Variants in AGMO observed in about 807,000 individuals in gnomAD.
The protein encoded by AGMO is alkylglycerol monooxygenase.
Under a neutral mutation model 60.2 loss-of-function variants are expected in AGMO, and 75 were observed. That is an observed-to-expected ratio of 1.25 (90% CI 1.03 to 1.51). The LOEUF (loss-of-function observed/expected upper bound fraction) is 1.51. AGMO is among the 40% of genes most tolerant of loss of function. The pLI is 0.00. For missense variants in AGMO, 763 were observed against 525.5 expected (o/e 1.45, Z -4.42); for synonymous variants, 261 against 177.1 (o/e 1.47, Z -3.76).
rs543393219 is a variant in AGMO, at chr7:15,301,678, G to T, written c.1263+63836C>A. On this transcript the variant is annotated intron_variant, in intron 12 of 12. Transcript: ENST00000342526. Reference sequence around the variant, plus strand: ...TCCACGATACTTTTAGAGGATAATAGAAATGTTTTAATTTTCATTTCTTTT... The same window carrying T: ...TCCACGATACTTTTAGAGGATAATATAAATGTTTTAATTTTCATTTCTTTT... Among the ~76,000 whole-genome samples the T allele has an allele frequency of 9.1e-4, 139 of 152,158 alleles. 1 individual carries two copies. The highest frequency in any genetic ancestry group is 3.3e-3 in the African/African-American group (135 of 41,516).
At chr7:15,322,069 T>C (rs1425903982) in intron 12 of AGMO, among the ~76,000 whole-genome samples, 1 of 151,530 alleles carries the variant, frequency 6.6e-6, no homozygotes, top group Non-Finnish European at 1.5e-5. Context: ...TACTCAGGAG[T>C]CTGAGGTAGC....
At chr7:15,335,902 G>A (rs1238293775) in intron 12 of AGMO, among the ~76,000 whole-genome samples, 3 of 151,876 alleles carry the variant, frequency 2.0e-5, no homozygotes, top group African/African-American at 7.3e-5. Flanking sequence ...CCAAATGTAG[G>A]GATTTACCAT....
chr7:15,478,797 CA>C (rs1319935312), intron 3 of AGMO, among the ~76,000 whole-genome samples: 2 of 152,094 alleles, frequency 1.3e-5, no homozygotes, highest in African/African-American at 4.8e-5. Context: ...TTTGATTTAT[CA>C]AGACTTCTCT....
the AGMO span, among the ~76,000 whole-genome samples, chr7:15,176,820 T>A: frequency 1.3e-5 from 2 of 151,936 alleles, no homozygotes; most frequent in African/African-American, 4.8e-5. Context: ...GAGAGAGAAG[T>A]TTTGGTGTTA....
intron 6 of AGMO, among the ~76,000 whole-genome samples, chr7:15,392,067 T>C (rs1562482159): frequency 1.3e-5 from 2 of 151,994 alleles, no homozygotes; most frequent in African/African-American, 4.8e-5. Context: ...ATTTTTTATT[T>C]TTTAATTTAA....
chr7:15,480,753 A>G (rs1219528468), intron 3 of AGMO, among the ~76,000 whole-genome samples: 1 of 152,156 alleles, frequency 6.6e-6, no homozygotes, highest in African/African-American at 2.4e-5. Context: ...CATTACATAA[A>G]GAAAATTATT....
intron 12 of AGMO, among the ~76,000 whole-genome samples, chr7:15,232,923 G>A (rs1782301071): frequency 6.6e-6 from 1 of 151,898 alleles, no homozygotes; most frequent in Non-Finnish European, 1.5e-5. Flanking sequence ...GGGTAAAAGA[G>A]GGAGAAAAAG....
downstream of AGMO, among the ~76,000 whole-genome samples, chr7:15,195,426 A>C (rs1781092743): frequency 6.6e-6 from 1 of 152,204 alleles, no homozygotes; most frequent in African/African-American, 2.4e-5. Flanking sequence ...CCTGATTTAC[A>C]TAGGGCCCAA....
the AGMO span, among the ~76,000 whole-genome samples, chr7:15,143,170 T>C: frequency 6.6e-6 from 1 of 152,218 alleles, no homozygotes; most frequent in South Asian, 2.1e-4. Flanking sequence ...CTGACAGTTT[T>C]CTCCAAGGAT....
At chr7:15,478,652 T>C (rs1026904284) in intron 3 of AGMO, among the ~76,000 whole-genome samples, 1 of 152,106 alleles carries the variant, frequency 6.6e-6, no homozygotes, top group Non-Finnish European at 1.5e-5. Flanking sequence ...ACACATCACG[T>C]TGGGAACCTC....
the AGMO span, among the ~76,000 whole-genome samples, chr7:15,139,921 T>A: frequency 1.3e-5 from 2 of 150,714 alleles, no homozygotes; most frequent in Admixed American, 1.3e-4. Context: ...AAATACAATG[T>A]ATAGAATAAA....
intron 3 of AGMO, among the ~76,000 whole-genome samples, chr7:15,508,922 T>G (rs1279549076): frequency 6.6e-6 from 1 of 152,178 alleles, no homozygotes; most frequent in African/African-American, 2.4e-5. Flanking sequence ...ATTTAGTTTA[T>G]TTTAAGAACA....
At chr7:15,485,142 C>CAAAAAAA (rs34731268) in intron 3 of AGMO, among the ~76,000 whole-genome samples, 6 of 97,802 alleles carry the variant, frequency 6.1e-5, no homozygotes, top group African/African-American at 7.1e-5. Context: ...ACTAAAAATA[C>CAAAAAAA]AAAAAAAAAA....
At chr7:15,436,303 T>C (rs1781402932) in intron 3 of AGMO, among the ~76,000 whole-genome samples, 1 of 132,260 alleles carries the variant, frequency 7.6e-6, no homozygotes, top group Non-Finnish European at 1.6e-5. Context: ...AAGTCCAAGA[T>C]CAAGGCACTG....
chr7:15,365,721 TA>T lies in AGMO; in HGVS notation c.1158-103del, dbSNP rs1429194826. On this transcript the variant is annotated intron_variant, in intron 11 of 12. Transcript: ENST00000342526. ...CTTCTCATTCTCAAGAAATACCTAG[TA>T]TTTTAATATATTTGAAAAGCATGTC... is the stretch of plus-strand genomic sequence containing the variant. 5.4e-6 allele frequency: 4 copies of T among 741,612 alleles called. No individual in the cohort carries two copies. The African/African-American group carries it at 7.3e-5, about 13-fold the overall frequency. 45.9% of individuals were successfully genotyped at this position (741,612 alleles called of 1,614,324 possible). A position where few individuals can be genotyped will look rare whatever the true frequency, so the allele number is the denominator to read the frequency against.
the AGMO span, among the ~76,000 whole-genome samples, chr7:15,126,405 T>C: frequency 6.6e-6 from 1 of 152,108 alleles, no homozygotes; most frequent in Admixed American, 6.6e-5. Context: ...TAAGTTATTG[T>C]AGTTGCCCCT....
chr7:15,424,884 G>T (rs1057250561), intron 4 of AGMO, among the ~76,000 whole-genome samples: 3 of 152,088 alleles, frequency 2.0e-5, no homozygotes, highest in African/African-American at 7.2e-5. Flanking sequence ...TTAGTTTCTT[G>T]TATCTTTATT....
chr7:15,344,926 T>C (rs915932122), intron 12 of AGMO, among the ~76,000 whole-genome samples: 1 of 152,204 alleles, frequency 6.6e-6, no homozygotes, highest in Non-Finnish European at 1.5e-5. Flanking sequence ...GTTGTTTTCT[T>C]GAGATGCAAA....
intron 12 of AGMO, among the ~76,000 whole-genome samples, chr7:15,263,893 TAG>T (rs1448158336): frequency 6.6e-6 from 1 of 151,960 alleles, no homozygotes; most frequent in African/African-American, 2.4e-5. Flanking sequence ...AATGATACAT[TAG>T]ACTTTGAAGA....
Sources: allele counts gnomAD v4.1 joint callset (sites outside exome capture counted in the v4.1 genomes callset), GRCh38; gene constraint gnomAD v4.1.1; transcripts MANE v1.5; gene names NCBI Gene and HGNC (gene_info 2026-07-23, HGNC 2026-07-21).